The following CDK13 variants were observed in gnomAD, a reference collection of about 807,000 sequenced individuals.
The protein encoded by CDK13 is cyclin-dependent kinase 13.
Under a neutral mutation model 137.6 loss-of-function variants are expected in CDK13, and 40 were observed. The observed-to-expected ratio is 0.29, with a 90% CI of 0.23 to 0.38. The LOEUF (loss-of-function observed/expected upper bound fraction) is 0.38. Among genes scored for constraint, CDK13 ranks in the 10% least tolerant of loss-of-function variants. The probability of loss-of-function intolerance (pLI) is 1.00; values close to 1 mark genes in which losing one functional copy is unlikely to be tolerated. For missense variants in CDK13, 1,704 were observed against 1,951.8 expected (o/e 0.87, Z 2.39); for synonymous variants, 869 against 760.1 (o/e 1.14, Z -2.36).
At chr7:39,995,330 C>A (rs1784538236) in intron 2 of CDK13, among the ~76,000 whole-genome samples, 1 of 152,076 alleles carries the variant, frequency 6.6e-6, no homozygotes, top group South Asian at 2.1e-4. Flanking sequence ...TGATTTGAAT[C>A]TTCAAATAAG....
Position 40,088,666 on chromosome 7 carries a change from A to C in CDK13, c.3235+335A>C, listed in dbSNP as rs75690431. Among the ~76,000 whole-genome samples, 368 of 152,326 alleles carry C rather than the reference A, an allele frequency of 2.4e-3. 1 individual carries two copies. Among genetic ancestry groups the C allele is most frequent in the Non-Finnish European group, 3.7e-3 (249 of 68,028 alleles). ...AGCATTCAATGTCTATAGATGCTTAAGCAGTAGGAAGAAAGGTATAAGAAA... is the reference window on the plus strand; with the variant it reads ...AGCATTCAATGTCTATAGATGCTTACGCAGTAGGAAGAAAGGTATAAGAAA... On this transcript the variant is annotated intron_variant, in intron 12 of 13. Coordinates refer to ENST00000181839, the MANE Select transcript of CDK13 (RefSeq NM_003718.5).
intron 1 of CDK13, among the ~76,000 whole-genome samples, chr7:39,981,987 TTTC>T (rs1025496191): frequency 6.6e-6 from 1 of 151,464 alleles, no homozygotes; most frequent in Non-Finnish European, 1.5e-5. Context: ...TTGTGTATTT[TTTC>T]TTTTTTCTTC....
Position 39,951,720 on chromosome 7 carries a change from G to A in CDK13, c.1079G>A (p.Ser360Asn). The A allele has an allele frequency of 2.7e-6, 4 of 1,481,458 alleles. No individual in the cohort carries two copies. Among genetic ancestry groups the A allele is most frequent in the African/African-American group, 1.5e-5 (1 of 68,716 alleles). The allele number at this position is 1,481,458 out of a possible 1,614,324, so 91.8% of individuals were successfully genotyped here. ...TCTCGGCGGCTGCCGCGCTCCCCGA[G>A]CCCCTACAGTCGCCGCCGCTCCCCC... ...PYSRRLPRSP[S>N]PYSRRRSPSY... is the part of the protein sequence containing the mutation. The change falls in exon 1 of 14, where the codon AGC becomes AAC. Residue 360 changes from serine (S) to asparagine (N), a missense_variant. This residue lies in a region of CDK13 where 1,051 missense variants were observed against 931.0 expected (regional missense o/e 1.13). Transcript: ENST00000181839.
rs1787135773 is a variant in CDK13, at chr7:39,950,831, C to T, written c.190C>T (p.Pro64Ser). 7.2e-7 allele frequency: 1 copy of T among 1,390,678 alleles called. No homozygotes were observed. The allele number at this position is 1,390,678 out of a possible 1,614,324, so 86.1% of individuals were successfully genotyped here. The change falls in exon 1 of 14, where the codon CCC (proline) becomes TCC (serine). Residue 64 changes from proline (P) to serine (S), a missense_variant. Around this residue, in one of 5 missense-constraint regions of CDK13, gnomAD observed 1,051 missense variants for 931.0 expected, o/e 1.13. Coordinates refer to ENST00000181839, the MANE Select transcript of CDK13 (RefSeq NM_003718.5). ...GCCGCCTCTGCTCTTCCTGGCTGCT[C>T]CCGGCACGGCCGCCGCCGCAGCCGC... is the stretch of plus-strand genomic sequence containing the variant. The part of the protein sequence containing the change: ...PPPPLLFLAA[P>S]GTAAAAAAAA...
At chr7:40,043,489 G>T (rs1209341629) in intron 5 of CDK13, among the ~76,000 whole-genome samples, 1 of 152,128 alleles carries the variant, frequency 6.6e-6, no homozygotes, top group Non-Finnish European at 1.5e-5. Context: ...TGACAAAAGA[G>T]AAAAACCATT....
chr7:39,966,941 G>C (rs1252401206), intron 1 of CDK13, among the ~76,000 whole-genome samples: 1 of 152,166 alleles, frequency 6.6e-6, no homozygotes, highest in Non-Finnish European at 1.5e-5. Context: ...TTGTTGAACA[G>C]TAAATGTTGC....
In CDK13 at chr7:40,077,915, T is replaced by A. The variant is rs543784394; in HGVS notation, c.2781-90T>A. On this transcript the variant is annotated intron_variant, in intron 9 of 13. Transcript: ENST00000181839. ...ATAGACCAAGGCTTCAATTTTTGTG[T>A]ATTTAAAAATGAGTTGATGTTTTGT... is the stretch of plus-strand genomic sequence containing the variant. The A allele has an allele frequency of 2.2e-4, 122 of 564,554 alleles. No homozygotes were observed. The South Asian group carries it at 4.0e-3, about 19-fold the overall frequency. The allele number at this position is 564,554 out of a possible 1,614,324, so 35.0% of individuals were successfully genotyped here.
chr7:40,092,934 A>G lies in CDK13; in HGVS notation c.3385A>G (p.Ile1129Val). 4 of 1,614,230 alleles carry G rather than the reference A, an allele frequency of 2.5e-6. No individual in the cohort carries two copies. The highest frequency in any genetic ancestry group is 3.4e-6 in the Non-Finnish European group (4 of 1,180,040). Residue 1129 changes from isoleucine to valine, a missense_variant, in exon 13 of 14, where the codon ATA (isoleucine) becomes GTA (valine). This residue lies in a region of CDK13 where 475 missense variants were observed against 579.3 expected (regional missense o/e 0.82). Coordinates refer to ENST00000181839, the MANE Select transcript of CDK13 (RefSeq NM_003718.5). ...NSETQQQLNK[I>V]NLPAGILATG... is the part of the protein sequence containing the mutation. Reference sequence around the variant, plus strand: ...TGAGACTCAACAGCAGCTAAATAAAATAAACCTTCCTGCTGGAATTTTGGC... The same window carrying G: ...TGAGACTCAACAGCAGCTAAATAAAGTAAACCTTCCTGCTGGAATTTTGGC...
intron 1 of CDK13, among the ~76,000 whole-genome samples, chr7:39,955,098 C>T (rs1787368872): frequency 6.6e-6 from 1 of 152,086 alleles, no homozygotes; most frequent in South Asian, 2.1e-4. Flanking sequence ...ATTTTCTTTA[C>T]TACTTGACTG....
At chr7:40,087,927 G>C (rs374293266) in intron 11 of CDK13, among the ~76,000 whole-genome samples, 199 bp from the exon 12 acceptor site, 1 of 152,016 alleles carries the variant, frequency 6.6e-6, no homozygotes, top group African/African-American at 2.4e-5. Flanking sequence ...AAGAAAAATA[G>C]ATTATCTGTA....
intron 5 of CDK13, among the ~76,000 whole-genome samples, chr7:40,035,959 T>C (rs994434674): frequency 1.3e-5 from 2 of 151,934 alleles, no homozygotes; most frequent in Non-Finnish European, 2.9e-5. Flanking sequence ...CCCCAGGAGT[T>C]TGAGACCAGC....
At chr7:40,026,235 G>A (rs1216468953) in intron 5 of CDK13, among the ~76,000 whole-genome samples, 1 of 152,236 alleles carries the variant, frequency 6.6e-6, no homozygotes, top group Admixed American at 6.5e-5. Context: ...TAGGCCAGAT[G>A]CAGTGGCACA....
At position 39,950,274 on chromosome 7, in the gene CDK13, C is replaced by G; in HGVS notation, c.-368C>G. 1 of 1,055,970 alleles carries G rather than the reference C, an allele frequency of 9.5e-7. No homozygotes were observed. Among genetic ancestry groups the G allele is most frequent in the Non-Finnish European group, 1.1e-6 (1 of 875,970 alleles). The allele number at this position is 1,055,970 out of a possible 1,614,324, so 65.4% of individuals were successfully genotyped here. A position where few individuals can be genotyped will look rare whatever the true frequency, so the allele number is the denominator to read the frequency against. The stretch of plus-strand genomic sequence containing the variant: ...AGGTGGTACTTCCGCGTTGCGCTGC[C>G]CGAGCCGAGAGCGCGGCCAAGGCCG... On this transcript the variant is annotated 5_prime_UTR_variant, in exon 1 of 14. Coordinates refer to ENST00000181839, the MANE Select transcript of CDK13 (RefSeq NM_003718.5).
Position 39,950,491 on chromosome 7 carries a change from TC to T in CDK13, c.-148del. On this transcript the variant is annotated 5_prime_UTR_variant, in exon 1 of 14. Coordinates refer to ENST00000181839, the MANE Select transcript of CDK13 (RefSeq NM_003718.5). Reference sequence around the variant, plus strand: ...GTGACCTGGAACCCAGGGACCCGAGTCCCGACCCGGATTATCGTGGCGCTTT... The same window carrying T: ...GTGACCTGGAACCCAGGGACCCGAGTCCGACCCGGATTATCGTGGCGCTTT... The T allele has an allele frequency of 7.9e-7, 1 of 1,261,524 alleles. No individual in the cohort carries two copies. The highest frequency in any genetic ancestry group is 1.0e-6 in the Non-Finnish European group (1 of 1,004,532). 78.1% of individuals were successfully genotyped at this position (1,261,524 alleles called of 1,614,324 possible). A position where few individuals can be genotyped will look rare whatever the true frequency, so the allele number is the denominator to read the frequency against.
chr7:40,009,762 G>A (rs542587768), intron 5 of CDK13, among the ~76,000 whole-genome samples: 21 of 152,308 alleles, frequency 1.4e-4, no homozygotes, highest in African/African-American at 4.8e-4. Flanking sequence ...CAACCTAGAA[G>A]TAGAAGGGAA....
chr7:39,972,330 T>A lies in CDK13; in HGVS notation c.1212-15269T>A, dbSNP rs988934782. On this transcript the variant is annotated intron_variant, in intron 1 of 13. Coordinates refer to ENST00000181839, the MANE Select transcript of CDK13 (RefSeq NM_003718.5). Reference sequence around the variant, plus strand: ...TTTAAAAATAACATGTTTATTGAAATGTATTTCACATACTGTACAGTTACT... The same window carrying A: ...TTTAAAAATAACATGTTTATTGAAAAGTATTTCACATACTGTACAGTTACT... 5.9e-5 allele frequency among the ~76,000 whole-genome samples: 9 copies of A among 152,390 alleles called. No homozygotes were observed. The South Asian group carries it at 1.9e-3, about 32-fold the overall frequency.
At chr7:39,961,733 C>G (rs372947461) in intron 1 of CDK13, among the ~76,000 whole-genome samples, 1 of 151,860 alleles carries the variant, frequency 6.6e-6, no homozygotes, top group African/African-American at 2.4e-5. Context: ...TGTGCTGCAC[C>G]CATTAACTCA....
chr7:40,077,328 C>T (rs1213276284), intron 9 of CDK13, among the ~76,000 whole-genome samples: 2 of 151,984 alleles, frequency 1.3e-5, no homozygotes, highest in African/African-American at 4.8e-5. Flanking sequence ...GGAGGAGTGA[C>T]AGGTACCAAA....
At chr7:40,029,549 G>A (rs954640106) in intron 5 of CDK13, among the ~76,000 whole-genome samples, 1 of 151,146 alleles carries the variant, frequency 6.6e-6, no homozygotes, top group Non-Finnish European at 1.5e-5. Flanking sequence ...GTGAAACCCC[G>A]TCTCTACTAA....
Sources: gnomAD v4.1 joint callset for allele counts (sites outside exome capture counted in the v4.1 genomes callset) on GRCh38, gnomAD v4.1.1 for gene constraint, gnomAD v4.1.1 regional missense constraint, MANE v1.5 for transcripts, NCBI Gene and HGNC (gene_info 2026-07-23, HGNC 2026-07-21) for gene names.